The following VCAN variants were observed in gnomAD, a reference collection of about 807,000 sequenced individuals.
The protein encoded by VCAN is versican core protein.
In VCAN, 44 loss-of-function variants were observed where a neutral mutation model predicts 245.5. That is an observed-to-expected ratio of 0.18 (90% CI 0.14 to 0.23). The LOEUF (loss-of-function observed/expected upper bound fraction) is 0.23, where lower values mean the gene tolerates loss of function less well. Ranked by LOEUF, VCAN falls within the 10% of genes least tolerant of loss-of-function variation. The probability of loss-of-function intolerance (pLI) is 1.00; values close to 1 mark genes in which losing one functional copy is unlikely to be tolerated. For synonymous variants in VCAN, 1,413 were observed against 1,437.0 expected (o/e 0.98, Z 0.38); for missense variants, 3,793 against 4,057.9 (o/e 0.93, Z 1.77).
intron 7 of VCAN, among the ~76,000 whole-genome samples, chr5:83,528,149 ATAC>A (rs1286846998): frequency 6.6e-6 from 1 of 152,246 alleles, no homozygotes; most frequent in East Asian, 1.9e-4. Context: ...TACAGTTGTC[ATAC>A]TAAACATATA....
chr5:83,503,933 A>G (rs1269730220), intron 5 of VCAN, among the ~76,000 whole-genome samples: 2 of 152,072 alleles, frequency 1.3e-5, no homozygotes, highest in African/African-American at 2.4e-5. Flanking sequence ...GTCATTTTTA[A>G]TGTTTTGATT....
intron 12 of VCAN, among the ~76,000 whole-genome samples, chr5:83,565,680 T>C (rs550740482): frequency 1.3e-5 from 2 of 152,184 alleles, no homozygotes; most frequent in African/African-American, 4.8e-5. Flanking sequence ...ATGGGTTGAG[T>C]ATTATAAAGA....
rs781014698 is a variant in VCAN, at chr5:83,483,574, A to C, written c.56A>C (p.His19Pro). The C allele has an allele frequency of 9.9e-6, 16 of 1,613,354 alleles. No homozygotes were observed. The highest frequency in any genetic ancestry group is 1.4e-5 in the Non-Finnish European group (16 of 1,179,512). The change falls in exon 2 of 15, where the codon CAT becomes CCT. Residue 19 changes from histidine (H) to proline (P), a missense_variant. His to Pro is a moderately conservative substitution (Grantham distance 77). Transcript: ENST00000265077. Reference sequence around the variant, plus strand: ...ATGTGTTCAACCTTAATAGTAACCCATGCGCTACATAAAGGTGAGTGTGCT... The same window carrying C: ...ATGTGTTCAACCTTAATAGTAACCCCTGCGCTACATAAAGGTGAGTGTGCT... ...LWMCSTLIVTHALHKVKVGKS... is the reference protein window; with the variant it reads ...LWMCSTLIVTPALHKVKVGKS...
At chr5:83,472,456 A>G (rs1744230605) in intron 1 of VCAN, among the ~76,000 whole-genome samples, 1 of 152,156 alleles carries the variant, frequency 6.6e-6, no homozygotes, top group Non-Finnish European at 1.5e-5. Flanking sequence ...AAGACTTGCC[A>G]CAGACAAGTC....
In VCAN at chr5:83,512,364, C is replaced by T. The variant is rs537011281; in HGVS notation, c.1010C>T (p.Pro337Leu). ...GAGAACCAGACAGGCTTCCCTCCCC[C>T]TGATAGCAGATTTGATGCCTACTGC... ...RFENQTGFPP[P>L]DSRFDAYCFK... is the part of the protein sequence containing the mutation. Residue 337 changes from proline (P) to leucine (L), a missense_variant, in exon 6 of 15, where the codon CCT becomes CTT. Coordinates refer to ENST00000265077, the MANE Select transcript of VCAN (RefSeq NM_004385.5). 1 of 1,611,816 alleles carries T rather than the reference C, an allele frequency of 6.2e-7. No individual in the cohort carries two copies. Among genetic ancestry groups the T allele is most frequent in the Non-Finnish European group, 8.5e-7 (1 of 1,178,138 alleles).
intron 1 of VCAN, among the ~76,000 whole-genome samples, chr5:83,473,481 T>C (rs974901789): frequency 6.6e-6 from 1 of 152,116 alleles, no homozygotes; most frequent in African/African-American, 2.4e-5. Context: ...TCTGTCTCCA[T>C]CTTCTCTGCC....
chr5:83,562,676 T>C (rs1030309554), intron 12 of VCAN, among the ~76,000 whole-genome samples: 9 of 150,680 alleles, frequency 6.0e-5, no homozygotes, highest in African/African-American at 2.2e-4. Flanking sequence ...AAAAAAAATA[T>C]ATTGAATGAG....
At chr5:83,557,039 G>C (rs1392032983) in intron 12 of VCAN, among the ~76,000 whole-genome samples, 1 of 152,068 alleles carries the variant, frequency 6.6e-6, no homozygotes, top group Non-Finnish European at 1.5e-5. Flanking sequence ...CCAGGACTCA[G>C]CTGGCCATTT....
intron 5 of VCAN, among the ~76,000 whole-genome samples, chr5:83,509,141 T>C (rs922392946): frequency 7.2e-5 from 11 of 152,280 alleles, no homozygotes; most frequent in African/African-American, 2.4e-4. Flanking sequence ...GCATTAGGGA[T>C]AACAGAATTT....
At chr5:83,572,229 CTT>C (rs1748313526) in intron 12 of VCAN, among the ~76,000 whole-genome samples, 185 bp from the exon 13 acceptor site, 1 of 152,136 alleles carries the variant, frequency 6.6e-6, no homozygotes, top group Non-Finnish European at 1.5e-5. Flanking sequence ...TCAATAAAGA[CTT>C]TGAGACACAT....
rs530182194 is a variant in VCAN, at chr5:83,547,876, T to C, written c.9380-95T>C. On this transcript the variant is annotated intron_variant, in intron 9 of 14. Transcript: ENST00000265077. ...TTAAAATCTGAAATTCAAATTTAAC[T>C]GGCTGTCTTGTATGTTATCTTGCAA... The C allele has an allele frequency of 1.6e-4, 133 of 843,450 alleles. No individual in the cohort carries two copies. In the African/African-American group the frequency reaches 2.4e-3, roughly 15 times the overall value. 52.2% of individuals were successfully genotyped at this position (843,450 alleles called of 1,614,324 possible). A position where few individuals can be genotyped will look rare whatever the true frequency, so the allele number is the denominator to read the frequency against.
chr5:83,506,944 CG>C (rs1416753738), intron 5 of VCAN, among the ~76,000 whole-genome samples: 1 of 152,100 alleles, frequency 6.6e-6, no homozygotes, highest in Non-Finnish European at 1.5e-5. Flanking sequence ...GAGAATAGCA[CG>C]GGGAAGACTG....
Position 83,538,681 on chromosome 5 carries a change from G to A in VCAN, c.5678G>A (p.Arg1893Lys). Residue 1893 changes from arginine to lysine, a missense_variant, in exon 8 of 15, where the codon AGA (arginine) becomes AAA (lysine). Arg to Lys is a conservative substitution (Grantham distance 26). This residue lies in a region of VCAN where 3,182 missense variants were observed against 3,250.3 expected (regional missense o/e 0.98). Coordinates refer to ENST00000265077, the MANE Select transcript of VCAN (RefSeq NM_004385.5). Reference sequence around the variant, plus strand: ...CTGGTTTTGAGTACAGTAATGGACAGAGTAGTTGCTGAAAATATAACCCAA... The same window carrying A: ...CTGGTTTTGAGTACAGTAATGGACAAAGTAGTTGCTGAAAATATAACCCAA... The part of the protein sequence containing the change: ...TGLVLSTVMD[R>K]VVAENITQTS... The A allele has an allele frequency of 1.5e-5, 24 of 1,614,114 alleles. No homozygotes were observed. Among genetic ancestry groups the A allele is most frequent in the Non-Finnish European group, 2.0e-5 (24 of 1,179,970 alleles).
intron 5 of VCAN, among the ~76,000 whole-genome samples, chr5:83,499,029 C>G (rs1745252296): frequency 6.6e-6 from 1 of 151,990 alleles, no homozygotes; most frequent in Non-Finnish European, 1.5e-5. Flanking sequence ...CTGCACAGAC[C>G]CTTTGCTTGC....
Position 83,490,138 on chromosome 5 carries a change from T to G in VCAN, c.111T>G (p.Ser37=), listed in dbSNP as rs1744929976. The change falls in exon 3 of 15, where the codon TCT becomes TCG. Residue 37 remains serine (S), a synonymous_variant. Transcript: ENST00000265077. ...GKSPPVRGSL[S]GKVSLPCHFS... is the part of the protein sequence containing the mutation. ...GCCCACCGGTGAGGGGCTCCCTCTCTGGAAAAGTCAGCCTACCTTGTCATT... is the reference window on the plus strand; with the variant it reads ...GCCCACCGGTGAGGGGCTCCCTCTCGGGAAAAGTCAGCCTACCTTGTCATT... The G allele has an allele frequency of 6.2e-7, 1 of 1,614,082 alleles. No individual in the cohort carries two copies. Among genetic ancestry groups the G allele is most frequent in the African/African-American group, 1.3e-5 (1 of 74,946 alleles).
chr5:83,577,904 T>C (rs564155690), intron 13 of VCAN, among the ~76,000 whole-genome samples: 1 of 152,312 alleles, frequency 6.6e-6, no homozygotes, highest in South Asian at 2.1e-4. Context: ...TTATTATAGC[T>C]TTTTAATAAG....
chr5:83,555,107 A>G (rs1322084561), intron 12 of VCAN, 69 bp downstream of exon 12: 4 of 1,513,788 alleles, frequency 2.6e-6, no homozygotes, highest in Non-Finnish European at 2.8e-6. Context: ...CTGATTGTGC[A>G]TTACAGAGGG....
At chr5:83,499,981 T>C (rs1482320462) in intron 5 of VCAN, among the ~76,000 whole-genome samples, 2 of 152,218 alleles carry the variant, frequency 1.3e-5, no homozygotes, top group Non-Finnish European at 2.9e-5. Flanking sequence ...GTTCTAGCTT[T>C]TTAAAGGTTT....
intron 2 of VCAN, 54 bp from the exon 3 acceptor site, chr5:83,490,044 G>T: frequency 6.2e-7 from 1 of 1,604,054 alleles, no homozygotes. Context: ...ATATTGAATA[G>T]ATTAAGTTTG....
Sources: gnomAD v4.1 joint callset for allele counts (sites outside exome capture counted in the v4.1 genomes callset) on GRCh38, gnomAD v4.1.1 for gene constraint, gnomAD v4.1.1 regional missense constraint, MANE v1.5 for transcripts, NCBI Gene and HGNC (gene_info 2026-07-23, HGNC 2026-07-21) for gene names.